The following ESRRB variants were observed in gnomAD, a reference collection of about 807,000 sequenced individuals.
ESRRB encodes steroid hormone receptor ERR2.
In ESRRB, 16 loss-of-function variants were observed where a neutral mutation model predicts 46.0. That is an observed-to-expected ratio of 0.35 (90% CI 0.24 to 0.53). The LOEUF is 0.53. Among genes scored for constraint, ESRRB ranks in the 20% least tolerant of loss-of-function variants. ESRRB has a pLI of 0.93. For missense variants in ESRRB, 488 were observed against 607.4 expected (o/e 0.80, Z 2.07); for synonymous variants, 246 against 259.6 (o/e 0.95, Z 0.50).
intron 1 of ESRRB, among the ~76,000 whole-genome samples, chr14:76,360,977 G>A (rs1884455769): frequency 6.6e-6 from 1 of 152,234 alleles, no homozygotes; most frequent in African/African-American, 2.4e-5. Flanking sequence ...TTCAGGCAGG[G>A]CTTTGAAATG....
In ESRRB at chr14:76,405,282, A is replaced by AT. The variant is rs961940656; in HGVS notation, c.50+28841dup. On this transcript the variant is annotated intron_variant, in intron 1 of 6. Coordinates refer to ENST00000644823, the MANE Select transcript of ESRRB (RefSeq NM_001379180.1). ...GCACCACTACCACTACACCCGGCTA[A>AT]TTTTTTTTTTGTAGAGACAGGTTCT... Among the ~76,000 whole-genome samples, 933 of 149,374 alleles carry AT rather than the reference A, an allele frequency of 6.2e-3. 25 individuals are homozygous for AT. Among genetic ancestry groups the AT allele is most frequent in the Admixed American group, 0.052 (781 of 15,000 alleles).
intron 1 of ESRRB, among the ~76,000 whole-genome samples, chr14:76,318,929 T>G (rs1012409905): frequency 6.6e-6 from 1 of 152,158 alleles, no homozygotes; most frequent in Non-Finnish European, 1.5e-5. Flanking sequence ...TGCACAAGCA[T>G]CTACAGGTGG....
At chr14:76,366,700 G>GTACC, upstream of ESRRB, among the ~76,000 whole-genome samples, 1 of 152,336 alleles carries the variant, frequency 6.6e-6, no homozygotes, top group South Asian at 2.1e-4. Context: ...CTCAGGTGTG[G>GTACC]TGGGAGGAGA....
chr14:76,335,091 G>C (rs1884110534), intron 1 of ESRRB, among the ~76,000 whole-genome samples: 1 of 152,132 alleles, frequency 6.6e-6, no homozygotes, highest in Admixed American at 6.5e-5. Context: ...TTCCCTATTG[G>C]TTCCCCTTAG....
intron 5 of ESRRB, among the ~76,000 whole-genome samples, chr14:76,484,935 C>T (rs9323631): frequency 0.39 from 59,193 of 152,134 alleles, 11,731 homozygotes; most frequent in East Asian, 0.63. Context: ...GTGTGTACAC[C>T]GGGTGAATGG....
At chr14:76,432,131 G>GCAGTTCTAAGTCAGAGGGCA (rs1439590115) in intron 1 of ESRRB, among the ~76,000 whole-genome samples, 1 of 152,196 alleles carries the variant, frequency 6.6e-6, no homozygotes, top group Non-Finnish European at 1.5e-5. Flanking sequence ...CTAAGTCAGT[G>GCAGTTCTAAGTCAGAGGGCA]GTTCTCAGCA....
intron 1 of ESRRB, among the ~76,000 whole-genome samples, chr14:76,384,007 C>T (rs1191551230): frequency 2.0e-5 from 3 of 152,068 alleles, no homozygotes; most frequent in African/African-American, 7.2e-5. Context: ...ATCTCACCGC[C>T]TATGCTTGGA....
At chr14:76,321,956 G>C (rs1883873058) in intron 1 of ESRRB, among the ~76,000 whole-genome samples, 1 of 151,982 alleles carries the variant, frequency 6.6e-6, no homozygotes, top group Admixed American at 6.6e-5. Flanking sequence ...TAAGGATCTT[G>C]CTTAAGGCCA....
chr14:76,391,246 T>A (rs1468071306), intron 1 of ESRRB, among the ~76,000 whole-genome samples: 3 of 152,144 alleles, frequency 2.0e-5, no homozygotes, highest in Non-Finnish European at 4.4e-5. Context: ...TTTTCTAGAC[T>A]CCTCCGTGGC....
chr14:76,430,606 G>A (rs751884895), intron 1 of ESRRB, among the ~76,000 whole-genome samples: 4 of 152,186 alleles, frequency 2.6e-5, no homozygotes, highest in Admixed American at 6.5e-5. Context: ...TCTAAGCATT[G>A]TGCCTTCATT....
chr14:76,324,703 G>T (rs1439436355), intron 1 of ESRRB, among the ~76,000 whole-genome samples: 1 of 152,194 alleles, frequency 6.6e-6, no homozygotes, highest in Non-Finnish European at 1.5e-5. Context: ...TTTGGGCTCA[G>T]CAAAGGCAGA....
rs532134360 is a variant in ESRRB, at chr14:76,500,180, G to C, written c.*1722G>C. ...GACGTGCTGAGGTCATCCCAGACAG[G>C]AGGGAGGGCTGGCTGAAATCCACAA... On this transcript the variant is annotated 3_prime_UTR_variant, in exon 7 of 7. Coordinates refer to ENST00000644823, the MANE Select transcript of ESRRB (RefSeq NM_001379180.1). 2 of 831,562 alleles carry C rather than the reference G, an allele frequency of 2.4e-6. No homozygotes were observed. Among genetic ancestry groups the C allele is most frequent in the Admixed American group, 5.5e-5 (2 of 36,524 alleles). 51.5% of individuals were successfully genotyped at this position (831,562 alleles called of 1,614,324 possible). A position where few individuals can be genotyped will look rare whatever the true frequency, so the allele number is the denominator to read the frequency against.
intron 1 of ESRRB, among the ~76,000 whole-genome samples, chr14:76,337,456 G>C (rs1056427776): frequency 9.2e-5 from 14 of 152,112 alleles, no homozygotes; most frequent in Admixed American, 9.2e-4. Context: ...AGAAAAAGAC[G>C]GGTCCACTCA....
At chr14:76,408,177 C>T (rs1414312565) in intron 1 of ESRRB, among the ~76,000 whole-genome samples, 1 of 152,228 alleles carries the variant, frequency 6.6e-6, no homozygotes, top group Non-Finnish European at 1.5e-5. Context: ...TCTGGCCCCA[C>T]TCATTGATTC....
chr14:76,487,275 T>C (rs1890056158), intron 5 of ESRRB, among the ~76,000 whole-genome samples: 1 of 152,224 alleles, frequency 6.6e-6, no homozygotes, highest in Admixed American at 6.5e-5. Flanking sequence ...TGAGTGCTGT[T>C]ATGATTTCCA....
intron 1 of ESRRB, among the ~76,000 whole-genome samples, chr14:76,347,334 T>C (rs4569181): frequency 0.56 from 84,458 of 151,570 alleles, 23,728 homozygotes; most frequent in Admixed American, 0.69. Flanking sequence ...CTCTTAGTAC[T>C]TATGCAATCC....
chr14:76,346,568 T>C (rs928277451), intron 1 of ESRRB, among the ~76,000 whole-genome samples: 3 of 152,152 alleles, frequency 2.0e-5, no homozygotes, highest in Admixed American at 2.0e-4. Flanking sequence ...TGGTGCTGGG[T>C]GAGCTGACCT....
At chr14:76,433,965 T>C (rs1887561084) in intron 1 of ESRRB, among the ~76,000 whole-genome samples, 1 of 106,070 alleles carries the variant, frequency 9.4e-6, no homozygotes, top group Non-Finnish European at 2.0e-5. Flanking sequence ...CCTTTACATT[T>C]TTTTTTTTTT....
rs1890528772 is a variant in ESRRB at position 76,498,594 on chromosome 14, C to T, written c.*136C>T. On this transcript the variant is annotated 3_prime_UTR_variant, in exon 7 of 7. Transcript: ENST00000644823. ...AGCTGTCCCAGAGGCGGGGGTTTCT[C>T]ACCTCCTGGCTGTGTGCAGACTCCC... The T allele has an allele frequency of 6.7e-7, 1 of 1,502,890 alleles. No homozygotes were observed. The highest frequency in any genetic ancestry group is 8.9e-7 in the Non-Finnish European group (1 of 1,118,730). The allele number at this position is 1,502,890 out of a possible 1,614,324, so 93.1% of individuals were successfully genotyped here. A position where few individuals can be genotyped will look rare whatever the true frequency, so the allele number is the denominator to read the frequency against.
Sources: allele counts gnomAD v4.1 joint callset (sites outside exome capture counted in the v4.1 genomes callset), GRCh38; gene constraint gnomAD v4.1.1; transcripts MANE v1.5; gene names NCBI Gene and HGNC (gene_info 2026-07-23, HGNC 2026-07-21).